CFAP46: variants seen among roughly 807,000 people sequenced by gnomAD.
CFAP46 encodes the protein cilia- and flagella-associated protein 46.
In CFAP46, 245 loss-of-function variants were observed where a neutral mutation model predicts 325.7. That is an observed-to-expected ratio of 0.75 (90% CI 0.68 to 0.84). The LOEUF (loss-of-function observed/expected upper bound fraction) is 0.84, where lower values mean the gene tolerates loss of function less well. CFAP46 is among the 40% of genes least tolerant of loss of function. The pLI is 0.00. For synonymous variants in CFAP46, 1,523 were observed against 1,495.9 expected, an observed-to-expected ratio of 1.02 and a Z score of -0.42; for missense variants, 3,346 against 3,543.0, an observed-to-expected ratio of 0.94 and a Z score of 1.41.
intron 7 of CFAP46, among the ~76,000 whole-genome samples, chr10:132,935,972 T>TCGG (rs1849996267): frequency 1.8e-5 from 1 of 56,058 alleles, no homozygotes; most frequent in Non-Finnish European, 3.5e-5. Flanking sequence ...CTCACTCCCC[T>TCGG]CACATCCAAA....
intron 44 of CFAP46, among the ~76,000 whole-genome samples, chr10:132,837,487 G>A (rs1432149674): frequency 1.9e-5 from 2 of 103,160 alleles, no homozygotes; most frequent in Admixed American, 1.1e-4. Flanking sequence ...ACATGCACAC[G>A]TACACAGATG....
chr10:132,911,205 G>A (rs1347689463), intron 19 of CFAP46, among the ~76,000 whole-genome samples: 1 of 152,158 alleles, frequency 6.6e-6, no homozygotes, highest in Non-Finnish European at 1.5e-5. Flanking sequence ...TCGGAAGAAC[G>A]ACCTGCACCT....
In CFAP46 at chr10:132,866,046, C is replaced by A. The variant is rs144128735; in HGVS notation, c.4869G>T (p.Ser1623=). 2 of 1,521,658 alleles carry A rather than the reference C, an allele frequency of 1.3e-6. No homozygotes were observed. The highest frequency in any genetic ancestry group is 1.8e-6 in the Non-Finnish European group (2 of 1,132,782). 94.3% of individuals were successfully genotyped at this position (1,521,658 alleles called of 1,614,324 possible). The change falls in exon 35 of 58, where the codon TCG becomes TCT. Residue 1623 remains serine (S), a synonymous_variant. Transcript: ENST00000368586. ...TCACCTGGAAAGCCAGGTAAGCCTCCGACAGGAGCAGCCGTGCAGGCTGGT... is the reference window on the plus strand; with the variant it reads ...TCACCTGGAAAGCCAGGTAAGCCTCAGACAGGAGCAGCCGTGCAGGCTGGT... ...NLYQPARLLL[S]EAYLAFQELD...
At chr10:132,826,378 G>A (rs5027159) in intron 50 of CFAP46, among the ~76,000 whole-genome samples, 226 of 131,944 alleles carry the variant, frequency 1.7e-3, no homozygotes, top group Non-Finnish European at 2.3e-3. Flanking sequence ...CCAGGCAGGA[G>A]CCAGAGCCAC....
chr10:132,847,185 A>C lies in CFAP46; in HGVS notation c.6087+2T>G, dbSNP rs772960752. 12 of 1,610,530 alleles carry C rather than the reference A, an allele frequency of 7.5e-6. No homozygotes were observed. In the Middle Eastern group the frequency reaches 1.6e-3, roughly 221 times the overall value. On this transcript the variant is annotated splice_donor_variant, in intron 42 of 57. Coordinates refer to ENST00000368586, the MANE Select transcript of CFAP46 (RefSeq NM_001200049.3). LOFTEE classifies it high-confidence loss of function. The surrounding 1 kb of genome is among the most constrained non-coding windows in gnomAD (Gnocchi z 5.2). Reference sequence around the variant, plus strand: ...CACGAGGGGCAGGAGGGGCAGCCGCACCTTCAGGTCCTCGCCTCTCCTGCA... The same window carrying C: ...CACGAGGGGCAGGAGGGGCAGCCGCCCCTTCAGGTCCTCGCCTCTCCTGCA...
At chr10:132,831,575 C>CTAAGAG in intron 50 of CFAP46, among the ~76,000 whole-genome samples, 1 of 152,314 alleles carries the variant, frequency 6.6e-6, no homozygotes, top group South Asian at 2.1e-4. Context: ...TCTTTGGATA[C>CTAAGAG]TAAGAGATAA....
rs561739074 is a variant in CFAP46, at chr10:132,814,661, C to T, written c.7249+25G>A. On this transcript the variant is annotated intron_variant, in intron 52 of 57. Coordinates refer to ENST00000368586, the MANE Select transcript of CFAP46 (RefSeq NM_001200049.3). ...GGGAGCACAGGGCGGGGTCTGGGGC[C>T]CCCCCGGGGCCCATCAAAGGATACA... 2.7e-5 allele frequency: 43 copies of T among 1,584,150 alleles called. No individual in the cohort carries two copies. The South Asian group carries it at 4.0e-4, about 15-fold the overall frequency.
At chr10:132,908,419 G>A (rs778018626) in intron 22 of CFAP46, 49 bp downstream of exon 22, 134 of 1,543,804 alleles carry the variant, frequency 8.7e-5, no homozygotes, top group South Asian at 4.4e-4. Flanking sequence ...CCAGGCCTGC[G>A]CTCCCTGCCC....
chr10:132,850,645 A>C (rs919613738), intron 40 of CFAP46, among the ~76,000 whole-genome samples: 2 of 152,218 alleles, frequency 1.3e-5, no homozygotes, highest in Non-Finnish European at 2.9e-5. Context: ...CTCACTGACA[A>C]ATCAGTTTTA....
chr10:132,815,260 C>A (rs1377966206), intron 50 of CFAP46, among the ~76,000 whole-genome samples: 1 of 152,204 alleles, frequency 6.6e-6, no homozygotes, highest in African/African-American at 2.4e-5. Context: ...TACAACCTGC[C>A]CCTTTCGACA....
chr10:132,906,349 CAGCTGGGT>C (rs1849455648), intron 22 of CFAP46, among the ~76,000 whole-genome samples: 1 of 152,266 alleles, frequency 6.6e-6, no homozygotes, highest in African/African-American at 2.4e-5. Context: ...CCACTCACCC[CAGCTGGGT>C]GGCCTCAGAA....
intron 50 of CFAP46, among the ~76,000 whole-genome samples, chr10:132,823,070 GTGC>G (rs1231360614): frequency 6.8e-6 from 1 of 146,536 alleles, no homozygotes; most frequent in Non-Finnish European, 1.5e-5. Context: ...GTGCTGATGT[GTGC>G]TGTGTGTGCT....
chr10:132,845,627 G>A (rs1047824102), intron 44 of CFAP46, among the ~76,000 whole-genome samples: 4 of 152,214 alleles, frequency 2.6e-5, no homozygotes, highest in African/African-American at 7.2e-5. Flanking sequence ...AACAAAAAGC[G>A]CCGTTAGCTG....
intron 50 of CFAP46, among the ~76,000 whole-genome samples, chr10:132,815,266 C>T (rs148436899): frequency 2.3e-4 from 35 of 152,314 alleles, no homozygotes; most frequent in African/African-American, 7.7e-4. Context: ...CTGCCCCTTT[C>T]GACACGAACA....
In CFAP46 at chr10:132,876,775, G is replaced by C; in HGVS notation, c.4362+37C>G. 6.5e-7 allele frequency: 1 copy of C among 1,535,822 alleles called. No homozygotes were observed. Among genetic ancestry groups the C allele is most frequent in the Non-Finnish European group, 8.8e-7 (1 of 1,140,848 alleles). ...ACAGGTCAAGGGGACACCATGCTGTGACCAAGGTCTTGAGCCTTTTCTTTA... is the reference window on the plus strand; with the variant it reads ...ACAGGTCAAGGGGACACCATGCTGTCACCAAGGTCTTGAGCCTTTTCTTTA... On this transcript the variant is annotated intron_variant, in intron 31 of 57. Transcript: ENST00000368586. This position sits in a 1 kb window ranked among gnomAD's most constrained non-coding sequence, Gnocchi z 4.1.
intron 50 of CFAP46, among the ~76,000 whole-genome samples, chr10:132,819,810 AG>A (rs1357029126): frequency 5.9e-5 from 9 of 152,224 alleles, no homozygotes; most frequent in African/African-American, 2.2e-4. Context: ...ACAGGATAAA[AG>A]CTCCTTGACT....
At chr10:132,913,719 G>C (rs1591087842) in intron 17 of CFAP46, among the ~76,000 whole-genome samples, 2 of 152,180 alleles carry the variant, frequency 1.3e-5, no homozygotes, top group African/African-American at 4.8e-5. Context: ...TCGCTAAAGA[G>C]AGTGTGGACT....
intron 39 of CFAP46, among the ~76,000 whole-genome samples, chr10:132,853,034 C>G (rs1459453275): frequency 6.6e-6 from 1 of 152,130 alleles, no homozygotes; most frequent in Non-Finnish European, 1.5e-5. Flanking sequence ...AATCTGGATG[C>G]TTTTAATTTC....
chr10:132,824,718 T>TGCTGTGTGGGC (rs1491562542), intron 50 of CFAP46, among the ~76,000 whole-genome samples: 1 of 35,624 alleles, frequency 2.8e-5, no homozygotes, highest in Non-Finnish European at 5.0e-5. Flanking sequence ...GCTGTGTGTG[T>TGCTGTGTGGGC]ACTGATGTGT....
Sources: gnomAD v4.1 joint callset for allele counts (sites outside exome capture counted in the v4.1 genomes callset) on GRCh38, gnomAD v4.1.1 for gene constraint, Gnocchi (gnomAD v3.1) non-coding constraint, MANE v1.5 for transcripts, NCBI Gene and HGNC (gene_info 2026-07-23, HGNC 2026-07-21) for gene names.